Variants in MAX observed in about 807,000 individuals in gnomAD.
MAX encodes MYC associated transcriptional regulator X.
MAX carries 3 observed loss-of-function variants against 22.3 expected under a neutral mutation model. The ratio of observed to expected loss-of-function variants is 0.13; its 90% CI spans 0.06 to 0.35. The LOEUF (loss-of-function observed/expected upper bound fraction) is 0.35, where lower values mean the gene tolerates loss of function less well. Among genes scored for constraint, MAX ranks in the 10% least tolerant of loss-of-function variants. MAX has a pLI of 1.00. For synonymous variants in MAX, 72 were observed against 77.7 expected (o/e 0.93, Z 0.39); for missense variants, 119 against 209.4 (o/e 0.57, Z 2.66).
At chr14:65,020,748 T>C (rs1025294250) in intron 3 of MAX, among the ~76,000 whole-genome samples, 16 of 149,306 alleles carry the variant, frequency 1.1e-4, no homozygotes, top group African/African-American at 4.0e-4. Flanking sequence ...TTTTTTTTTT[T>C]TGAGACGGAG....
chr14:65,015,248 G>A (rs1365938516), intron 3 of MAX, among the ~76,000 whole-genome samples: 2 of 151,454 alleles, frequency 1.3e-5, no homozygotes, highest in South Asian at 2.1e-4. Context: ...GATTACAGGC[G>A]CACATCACTA....
chr14:65,044,444 G>T lies in MAX; in HGVS notation c.172-38160C>A. The T allele has an allele frequency of 6.2e-7, 1 of 1,606,096 alleles. No individual in the cohort carries two copies. The highest frequency in any genetic ancestry group is 8.5e-7 in the Non-Finnish European group (1 of 1,177,108). ...CTCCACCGCGCACTGCACGCCCAAG[G>T]TGAGCCTGGGGAGCTGTTCACTTGG... On this transcript the variant is annotated intron_variant, in intron 3 of 3. Coordinates refer to the MAX transcript ENST00000341653. The surrounding 1 kb of genome is among the most constrained non-coding windows in gnomAD (Gnocchi z 5.5).
downstream of MAX, chr14:65,006,139 GTTTGTTACC>G (rs1267029178): frequency 2.5e-6 from 4 of 1,574,938 alleles, no homozygotes; most frequent in African/African-American, 4.4e-5. Context: ...GTCCAGCTTT[GTTTGTTACC>G]TTTGTGTCTT....
rs2062013136 is a variant in MAX, at chr14:65,027,903, G to C, written c.172-21619C>G. On this transcript the variant is annotated intron_variant, in intron 3 of 3. Transcript: ENST00000341653. The surrounding 1 kb of genome is among the most constrained non-coding windows in gnomAD (Gnocchi z 5.7). ...TGCTTTGTCCCAGAATGACACATGG[G>C]ATGACATGTCAGTGACACGTCAGAA... The C allele has an allele frequency of 7.1e-6, 9 of 1,275,368 alleles. No homozygotes were observed. Among genetic ancestry groups the C allele is most frequent in the Non-Finnish European group, 8.8e-6 (8 of 905,926 alleles). 79.0% of individuals were successfully genotyped at this position (1,275,368 alleles called of 1,614,324 possible).
At chr14:65,100,547 T>C (rs2063801411) in intron 2 of MAX, among the ~76,000 whole-genome samples, 1 of 152,166 alleles carries the variant, frequency 6.6e-6, no homozygotes, top group Non-Finnish European at 1.5e-5. Context: ...AGTGCTGACT[T>C]TTTAGAAGAG....
At chr14:65,021,597 A>G (rs1453995972) in intron 3 of MAX, among the ~76,000 whole-genome samples, 1 of 152,170 alleles carries the variant, frequency 6.6e-6, no homozygotes, top group Non-Finnish European at 1.5e-5. Flanking sequence ...CCTGCACCAA[A>G]GAATTACTGA....
rs1008537265 is a variant in MAX at position 65,028,953 on chromosome 14, T to C, written c.172-22669A>G. Among the ~76,000 whole-genome samples, 2 of 152,252 alleles carry C rather than the reference T, an allele frequency of 1.3e-5. No individual in the cohort carries two copies. The highest frequency in any genetic ancestry group is 2.9e-5 in the Non-Finnish European group (2 of 68,038). ...CAAACAAATCATAGCAAGATCCTTT[T>C]GGTATTTTATCATATACCTTTTGCA... On this transcript the variant is annotated intron_variant, in intron 3 of 3. Transcript: ENST00000341653. This position sits in a 1 kb window ranked among gnomAD's most constrained non-coding sequence, Gnocchi z 4.4.
chr14:65,102,184 G>C, intron 1 of MAX, 120 bp downstream of exon 1: 2 of 1,538,900 alleles, frequency 1.3e-6, no homozygotes, highest in Non-Finnish European at 1.8e-6. Flanking sequence ...TCCTGGCCCC[G>C]AGGGGAAGGG....
In MAX at chr14:65,012,642, A is replaced by G. The variant is rs114425909; in HGVS notation, c.172-6358T>C. ...TTTCTTCTGTTACTAGATGATGACT[A>G]AGGGGTTCACGTGCTTTATCTAGAC... On this transcript the variant is annotated intron_variant, in intron 3 of 3. Coordinates refer to the MAX transcript ENST00000341653. The surrounding 1 kb of genome is among the most constrained non-coding windows in gnomAD (Gnocchi z 5.0). Among the ~76,000 whole-genome samples, 1,395 of 152,238 alleles carry G rather than the reference A, an allele frequency of 9.2e-3. 21 individuals are homozygous for G. Among genetic ancestry groups the G allele is most frequent in the African/African-American group, 0.031 (1,293 of 41,532 alleles).
At position 65,028,291 on chromosome 14, in the gene MAX, T is replaced by C. The variant is rs1306366892; in HGVS notation, c.172-22007A>G. ...GTGCAATAAAATCGCATTAACTGATTGGTGCCAGTTAGCTCGAAATTATTA... is the reference window on the plus strand; with the variant it reads ...GTGCAATAAAATCGCATTAACTGATCGGTGCCAGTTAGCTCGAAATTATTA... On this transcript the variant is annotated intron_variant, in intron 3 of 3. Transcript: ENST00000341653. This position sits in a 1 kb window ranked among gnomAD's most constrained non-coding sequence, Gnocchi z 4.4. 1.3e-5 allele frequency among the ~76,000 whole-genome samples: 2 copies of C among 152,094 alleles called. No individual in the cohort carries two copies. Among genetic ancestry groups the C allele is most frequent in the Non-Finnish European group, 2.9e-5 (2 of 68,042 alleles).
intron 2 of MAX, among the ~76,000 whole-genome samples, chr14:65,097,946 T>C (rs2063716484): frequency 1.3e-5 from 2 of 152,240 alleles, no homozygotes; most frequent in Admixed American, 6.5e-5. Context: ...ATCTAATGTA[T>C]GTATTTGTTT....
downstream of MAX, among the ~76,000 whole-genome samples, chr14:65,073,078 G>C (rs553860369): frequency 1.8e-4 from 28 of 152,314 alleles, no homozygotes; most frequent in African/African-American, 6.3e-4. Context: ...GTGCTTGCTT[G>C]GTCCTGAGGT....
At chr14:65,060,251 C>G (rs944314065) in intron 3 of MAX, among the ~76,000 whole-genome samples, 3 of 151,936 alleles carry the variant, frequency 2.0e-5, no homozygotes, top group Middle Eastern at 3.2e-3. Context: ...GGTATGGGTA[C>G]AATTTTTGCT....
intron 3 of MAX, among the ~76,000 whole-genome samples, chr14:65,057,282 G>A (rs12588378): frequency 0.23 from 34,687 of 151,912 alleles, 7,256 homozygotes; most frequent in African/African-American, 0.56. Flanking sequence ...GAAGATTTTA[G>A]GCCAGATATG....
At chr14:65,051,614 A>G (rs1258854536) in intron 3 of MAX, among the ~76,000 whole-genome samples, 1 of 152,052 alleles carries the variant, frequency 6.6e-6, no homozygotes, top group Non-Finnish European at 1.5e-5. Context: ...CTGTCTCAAA[A>G]AAGAAAAAAA....
In MAX at chr14:65,093,433, T is replaced by C. The variant is rs1018861908; in HGVS notation, c.171+275A>G. On this transcript the variant is annotated intron_variant, in intron 3 of 4. Coordinates refer to ENST00000358664, the MANE Select transcript of MAX (RefSeq NM_002382.5). This position sits in a 1 kb window ranked among gnomAD's most constrained non-coding sequence, Gnocchi z 4.4. ...CTCTTTATACTATAGTGTATAGTTA[T>C]AATTTCTTGAATTTATTACAAATAA... is the stretch of plus-strand genomic sequence containing the variant. 6.6e-6 allele frequency: 3 copies of C among 456,382 alleles called. No individual in the cohort carries two copies. Among genetic ancestry groups the C allele is most frequent in the Middle Eastern group, 6.3e-4 (1 of 1,580 alleles). 28.3% of individuals were successfully genotyped at this position (456,382 alleles called of 1,614,324 possible). A position where few individuals can be genotyped will look rare whatever the true frequency, so the allele number is the denominator to read the frequency against.
At chr14:65,058,110 C>CT (rs568696633) in intron 3 of MAX, among the ~76,000 whole-genome samples, 79 of 147,410 alleles carry the variant, frequency 5.4e-4, no homozygotes, top group Non-Finnish European at 6.2e-4. Context: ...AGAGAACCAA[C>CT]TTTTTTTTTT....
At chr14:65,048,579 ATGG>A (rs777453017) in intron 3 of MAX, among the ~76,000 whole-genome samples, 4 of 152,192 alleles carry the variant, frequency 2.6e-5, no homozygotes, top group African/African-American at 4.8e-5. Context: ...AATGCTGGAC[ATGG>A]TGGTTCATGA....
At chr14:65,026,078 A>G (rs1332104076) in intron 3 of MAX, among the ~76,000 whole-genome samples, 1 of 152,234 alleles carries the variant, frequency 6.6e-6, no homozygotes, top group Admixed American at 6.5e-5. Flanking sequence ...TAGGCTATGT[A>G]GTCTTTCTGG....
Sources: allele counts gnomAD v4.1 joint callset (sites outside exome capture counted in the v4.1 genomes callset), GRCh38; gene constraint gnomAD v4.1.1; non-coding constraint Gnocchi (gnomAD v3.1); transcripts MANE v1.5; gene names NCBI Gene and HGNC (gene_info 2026-07-23, HGNC 2026-07-21).